Variants in PTPRD observed in about 807,000 individuals in gnomAD.
The protein encoded by PTPRD is receptor-type tyrosine-protein phosphatase delta.
In PTPRD, 34 loss-of-function variants were observed where a neutral mutation model predicts 214.5. That is an observed-to-expected ratio of 0.16 (90% confidence interval 0.12 to 0.21). The LOEUF (loss-of-function observed/expected upper bound fraction) is 0.21, where lower values mean the gene tolerates loss of function less well. Among genes scored for constraint, PTPRD ranks in the 10% least tolerant of loss-of-function variants. The pLI is 1.00. For missense variants in PTPRD, 2,545 were observed against 2,398.7 expected (o/e 1.06, Z -1.27); for synonymous variants, 1,128 against 845.7 (o/e 1.33, Z -5.79).
At chr9:9,694,969 G>GGT (rs2097344367) in intron 7 of PTPRD, among the ~76,000 whole-genome samples, 1 of 152,086 alleles carries the variant, frequency 6.6e-6, no homozygotes, top group South Asian at 2.1e-4. Flanking sequence ...TGGCCAAGCT[G>GGT]GTACCTAGTG....
Position 8,528,654 on chromosome 9 carries a change from A to G in PTPRD, c.478T>C (p.Phe160Leu). ...SGNPDPEITW[F>L]KDFLPVDTSN... The stretch of plus-strand genomic sequence containing the variant: ...GTGTCCACAGGTAAGAAATCTTTAA[A>G]CCAAGTGATTTCTGGATCCGGATTA... Residue 160 changes from phenylalanine (F) to leucine (L), a missense_variant, in exon 15 of 46, where the codon TTT becomes CTT. Phe to Leu is a conservative substitution (Grantham distance 22). Transcript: ENST00000381196. 1 of 1,613,732 alleles carries G rather than the reference A, an allele frequency of 6.2e-7. No individual in the cohort carries two copies. Among genetic ancestry groups the G allele is most frequent in the Non-Finnish European group, 8.5e-7 (1 of 1,179,732 alleles).
chr9:10,190,367 G>A (rs141976224), intron 3 of PTPRD, among the ~76,000 whole-genome samples: 1,212 of 110,558 alleles, frequency 0.011, 7 homozygotes, highest in Non-Finnish European at 0.016. Context: ...CAGCCTGGGC[G>A]TCAGAGACTC....
At chr9:8,345,676 C>T (rs552805175) in intron 39 of PTPRD, among the ~76,000 whole-genome samples, 1 of 152,042 alleles carries the variant, frequency 6.6e-6, no homozygotes, top group Non-Finnish European at 1.5e-5. Context: ...GTATCATGAT[C>T]CTGTATCACG....
At chr9:9,228,849 A>C (rs2099961208) in intron 9 of PTPRD, among the ~76,000 whole-genome samples, 1 of 152,092 alleles carries the variant, frequency 6.6e-6, no homozygotes, top group Non-Finnish European at 1.5e-5. Context: ...TACATTACAA[A>C]TTGAAAAGGC....
intron 3 of PTPRD, among the ~76,000 whole-genome samples, chr9:10,252,782 G>C (rs2092904442): frequency 6.6e-6 from 1 of 152,000 alleles, no homozygotes; most frequent in Non-Finnish European, 1.5e-5. Flanking sequence ...CAGAGCCGAA[G>C]TGTATTTTTT....
chr9:8,344,632 T>A (rs1373057524), intron 39 of PTPRD, among the ~76,000 whole-genome samples: 1 of 152,014 alleles, frequency 6.6e-6, no homozygotes, highest in Admixed American at 6.6e-5. Context: ...GGGAAGGAGC[T>A]GACGTTTGGA....
chr9:10,170,296 C>T lies in PTPRD; in HGVS notation c.-544-136506G>A, dbSNP rs557722969. ...TGGCCATTGAAAGAACTGGCAAGGT[C>T]CCTTCTGATGGGCATATTTTACTGA... On this transcript the variant is annotated intron_variant, in intron 3 of 45. Coordinates refer to ENST00000381196, the MANE Select transcript of PTPRD (RefSeq NM_002839.4). Among the ~76,000 whole-genome samples the T allele has an allele frequency of 8.8e-4, 134 of 152,210 alleles. 2 individuals are homozygous for T. Among genetic ancestry groups the T allele is most frequent in the Admixed American group, 3.9e-3 (59 of 15,252 alleles).
intron 3 of PTPRD, among the ~76,000 whole-genome samples, chr9:10,061,652 G>A (rs896827294): frequency 2.0e-5 from 3 of 151,988 alleles, no homozygotes; most frequent in Non-Finnish European, 4.4e-5. Flanking sequence ...CCCAAATTAG[G>A]AAATTTAAGA....
intron 9 of PTPRD, among the ~76,000 whole-genome samples, chr9:9,278,753 A>G (rs1382575318): frequency 1.3e-5 from 2 of 151,368 alleles, no homozygotes; most frequent in Non-Finnish European, 3.0e-5. Context: ...CATGCAGTTA[A>G]TAACGTTTAC....
At chr9:9,021,974 G>C (rs970610936) in intron 10 of PTPRD, among the ~76,000 whole-genome samples, 14 of 151,718 alleles carry the variant, frequency 9.2e-5, no homozygotes, top group Admixed American at 9.2e-4. Flanking sequence ...GACATGTAGC[G>C]GGGTGGGGGG....
At chr9:8,956,090 G>A (rs2099130132) in intron 11 of PTPRD, among the ~76,000 whole-genome samples, 1 of 151,890 alleles carries the variant, frequency 6.6e-6, no homozygotes, top group African/African-American at 2.4e-5. Context: ...CTATACAAAT[G>A]CTCAATCTTT....
intron 11 of PTPRD, among the ~76,000 whole-genome samples, chr9:8,816,280 G>C (rs770503180): frequency 3.9e-5 from 6 of 152,074 alleles, no homozygotes; most frequent in Non-Finnish European, 5.9e-5. Context: ...TTTTTTCTTT[G>C]TGTATTTTAA....
At chr9:10,073,785 A>G (rs1400649094) in intron 3 of PTPRD, among the ~76,000 whole-genome samples, 1 of 152,132 alleles carries the variant, frequency 6.6e-6, no homozygotes, top group African/African-American at 2.4e-5. Context: ...TTATTCAACT[A>G]GATTATGTCA....
chr9:9,861,864 C>A (rs2062848378), intron 5 of PTPRD, among the ~76,000 whole-genome samples: 1 of 152,132 alleles, frequency 6.6e-6, no homozygotes, highest in African/African-American at 2.4e-5. Flanking sequence ...TTATTACTCT[C>A]CCCCTGCATC....
intron 3 of PTPRD, among the ~76,000 whole-genome samples, chr9:10,042,769 A>G (rs1182754526): frequency 5.3e-5 from 8 of 151,942 alleles, no homozygotes; most frequent in Admixed American, 3.9e-4. Flanking sequence ...CCTTTTCCCC[A>G]CCAGACCTCA....
chr9:9,640,908 G>T (rs1205796204), intron 7 of PTPRD, among the ~76,000 whole-genome samples: 5 of 152,206 alleles, frequency 3.3e-5, no homozygotes, highest in African/African-American at 1.2e-4. Flanking sequence ...GACACTAAGT[G>T]ATTTAAATTG....
intron 7 of PTPRD, among the ~76,000 whole-genome samples, chr9:9,677,048 T>G (rs540065163): frequency 6.6e-6 from 1 of 152,138 alleles, no homozygotes. Flanking sequence ...GAAGAGTAGG[T>G]TGCAAAAATT....
intron 7 of PTPRD, among the ~76,000 whole-genome samples, chr9:9,720,856 G>C: frequency 6.6e-6 from 1 of 152,130 alleles, no homozygotes; most frequent in East Asian, 1.9e-4. Flanking sequence ...CATGGATGGA[G>C]TGGAGGATGT....
chr9:8,397,159 A>G (rs1045358079), intron 36 of PTPRD, among the ~76,000 whole-genome samples: 6 of 152,168 alleles, frequency 3.9e-5, no homozygotes, highest in Non-Finnish European at 7.4e-5. Context: ...ACATTCTAAC[A>G]AATTTCCTTT....
Sources: allele counts gnomAD v4.1 joint callset (sites outside exome capture counted in the v4.1 genomes callset), GRCh38; gene constraint gnomAD v4.1.1; transcripts MANE v1.5; gene names NCBI Gene and HGNC (gene_info 2026-07-23, HGNC 2026-07-21).